FAM135B: variants seen among roughly 807,000 people sequenced by gnomAD.
FAM135B encodes the protein family with sequence similarity 135 member B, also known as protein FAM135B.
Under a neutral mutation model 127.7 loss-of-function variants are expected in FAM135B, and 43 were observed. That is an observed-to-expected ratio of 0.34 (90% CI 0.26 to 0.43). FAM135B has a LOEUF of 0.43. Among genes scored for constraint, FAM135B ranks in the 20% least tolerant of loss-of-function variants. FAM135B has a pLI of 1.00. For synonymous variants in FAM135B, 670 were observed against 665.1 expected (o/e 1.01, Z -0.11); for missense variants, 1,558 against 1,725.6 (o/e 0.90, Z 1.72).
At chr8:138,496,107 C>T (rs562299574) in intron 1 of FAM135B, among the ~76,000 whole-genome samples, 1 of 152,320 alleles carries the variant, frequency 6.6e-6, no homozygotes, top group African/African-American at 2.4e-5. Context: ...AAAATAATAA[C>T]AGTTACTACT....
intron 7 of FAM135B, among the ~76,000 whole-genome samples, chr8:138,215,291 C>A (rs936122272): frequency 6.6e-6 from 1 of 152,032 alleles, no homozygotes; most frequent in Non-Finnish European, 1.5e-5. Flanking sequence ...TAGTGAAGAG[C>A]AAATTAGATA....
intron 2 of FAM135B, among the ~76,000 whole-genome samples, chr8:138,327,730 A>G (rs1229621250): frequency 6.6e-6 from 1 of 152,232 alleles, no homozygotes; most frequent in Non-Finnish European, 1.5e-5. Flanking sequence ...ACAGTCTAAC[A>G]GAGAACAAAA....
chr8:138,444,648 A>G (rs1266934583), intron 1 of FAM135B, among the ~76,000 whole-genome samples: 4 of 152,232 alleles, frequency 2.6e-5, no homozygotes, highest in African/African-American at 9.6e-5. Context: ...ACACATTTAA[A>G]GCAGTGTGTA....
At chr8:138,244,846 G>A (rs760459607) in intron 6 of FAM135B, among the ~76,000 whole-genome samples, 1 of 152,168 alleles carries the variant, frequency 6.6e-6, no homozygotes, top group Non-Finnish European at 1.5e-5. Context: ...CCATTTGGGG[G>A]TTAAAAATTG....
intron 8 of FAM135B, among the ~76,000 whole-genome samples, chr8:138,196,827 A>G (rs1248473180): frequency 6.6e-6 from 1 of 152,224 alleles, no homozygotes; most frequent in Non-Finnish European, 1.5e-5. Flanking sequence ...GCCCCAAGGC[A>G]TCAGCACAGG....
At chr8:138,419,204 C>G (rs1006186130) in intron 1 of FAM135B, among the ~76,000 whole-genome samples, 6 of 152,030 alleles carry the variant, frequency 3.9e-5, no homozygotes, top group Admixed American at 3.9e-4. Flanking sequence ...GCAGAGGTTG[C>G]TATTCTTATT....
chr8:138,432,056 C>T (rs186671625), intron 1 of FAM135B, among the ~76,000 whole-genome samples: 1 of 152,316 alleles, frequency 6.6e-6, no homozygotes, highest in East Asian at 1.9e-4. Context: ...CTGGCTAATA[C>T]CCATCAGAAC....
At chr8:138,196,083 G>C (rs996515410) in intron 8 of FAM135B, among the ~76,000 whole-genome samples, 15 of 152,168 alleles carry the variant, frequency 9.9e-5, no homozygotes, top group Admixed American at 3.9e-4. Flanking sequence ...ATTAGTCACG[G>C]CTATGTATCC....
At chr8:138,194,734 G>A (rs900778291) in intron 9 of FAM135B, among the ~76,000 whole-genome samples, 2 of 152,174 alleles carry the variant, frequency 1.3e-5, no homozygotes, top group African/African-American at 4.8e-5. Flanking sequence ...TCTAACACAA[G>A]GGGGATGTAA....
In FAM135B at chr8:138,152,615, C is replaced by G. The variant is rs1485963415; in HGVS notation, c.1860G>C (p.Lys620Asn). The change falls in exon 13 of 20, where the codon AAG (lysine) becomes AAC (asparagine). Residue 620 changes from lysine to asparagine, a missense_variant. Lys to Asn is a moderately conservative substitution (Grantham distance 94). This residue lies in a region of FAM135B where 923 missense variants were observed against 865.3 expected (regional missense o/e 1.07). Transcript: ENST00000395297. ...CCATCTTCCCCTCTTGATCTATTCC[C>G]TTTCCTAGAGTACTTAATTCATGGA... Reference protein sequence around the residue: ...TTLHELSTLGKGIDQEGKMVL... With the variant: ...TTLHELSTLGNGIDQEGKMVL... 1 of 1,614,154 alleles carries G rather than the reference C, an allele frequency of 6.2e-7. No homozygotes were observed. The highest frequency in any genetic ancestry group is 8.5e-7 in the Non-Finnish European group (1 of 1,180,030).
At chr8:138,432,858 A>G (rs1214207242) in intron 1 of FAM135B, among the ~76,000 whole-genome samples, 1 of 152,046 alleles carries the variant, frequency 6.6e-6, no homozygotes, top group Non-Finnish European at 1.5e-5. Context: ...GCTTGATTCA[A>G]TTTGTTGGGG....
At chr8:138,476,109 A>G (rs1365280049) in intron 1 of FAM135B, among the ~76,000 whole-genome samples, 1 of 152,218 alleles carries the variant, frequency 6.6e-6, no homozygotes, top group Non-Finnish European at 1.5e-5. Context: ...ATAAGCCAAC[A>G]GGAAAAGGAT....
intron 1 of FAM135B, among the ~76,000 whole-genome samples, chr8:138,406,646 C>T (rs993699215): frequency 3.3e-5 from 5 of 151,914 alleles, no homozygotes; most frequent in East Asian, 1.9e-4. Context: ...TAAACAGAAC[C>T]GAAGACAAAA....
intron 3 of FAM135B, among the ~76,000 whole-genome samples, chr8:138,289,518 G>A (rs1824942928): frequency 6.6e-6 from 1 of 152,194 alleles, no homozygotes; most frequent in African/African-American, 2.4e-5. Context: ...CAGCTCGGTG[G>A]TATCTTCCCA....
At chr8:138,237,922 G>A (rs113763161) in intron 7 of FAM135B, among the ~76,000 whole-genome samples, 2,156 of 152,276 alleles carry the variant, frequency 0.014, 13 homozygotes, top group Non-Finnish European at 0.021. Context: ...TGTTACTCGG[G>A]AGAAACTAAT....
intron 1 of FAM135B, chr8:138,441,757 T>C (rs1835779528): frequency 6.6e-6 from 1 of 151,988 alleles, no homozygotes; most frequent in Non-Finnish European, 1.5e-5. Flanking sequence ...CTTGAGACCT[T>C]GATTCAAATT....
chr8:138,284,909 G>C (rs1320972857), intron 3 of FAM135B, among the ~76,000 whole-genome samples: 3 of 151,892 alleles, frequency 2.0e-5, no homozygotes, highest in South Asian at 2.1e-4. Context: ...CTAATACACT[G>C]TTTAGCACCC....
rs1032174907 is a variant in FAM135B, at chr8:138,243,385, A to G, written c.543-317T>C. On this transcript the variant is annotated intron_variant, in intron 6 of 19. Coordinates refer to ENST00000395297, the MANE Select transcript of FAM135B (RefSeq NM_015912.4). The surrounding 1 kb of genome is among the most constrained non-coding windows in gnomAD (Gnocchi z 7.5). ...TCCAAGCTTATATCACTAGAGGGGA[A>G]GGTGGCATGGGCTCCGAAAATTTCA... is the stretch of plus-strand genomic sequence containing the variant. Among the ~76,000 whole-genome samples, 2 of 152,218 alleles carry G rather than the reference A, an allele frequency of 1.3e-5. No homozygotes were observed. Among genetic ancestry groups the G allele is most frequent in the African/African-American group, 4.8e-5 (2 of 41,458 alleles).
intron 2 of FAM135B, among the ~76,000 whole-genome samples, chr8:138,326,111 C>T (rs1339539258): frequency 2.0e-5 from 3 of 152,112 alleles, no homozygotes; most frequent in Non-Finnish European, 4.4e-5. Context: ...AAGTGCTTCC[C>T]CATCCCTGCA....
Sources: gnomAD v4.1 joint callset for allele counts (sites outside exome capture counted in the v4.1 genomes callset) on GRCh38, gnomAD v4.1.1 for gene constraint, gnomAD v4.1.1 regional missense constraint, Gnocchi (gnomAD v3.1) non-coding constraint, MANE v1.5 for transcripts, NCBI Gene and HGNC (gene_info 2026-07-23, HGNC 2026-07-21) for gene names.